The following PDE10A variants were observed in gnomAD, a reference collection of about 807,000 sequenced individuals.
PDE10A encodes the protein phosphodiesterase 10A, also known as cAMP and cAMP-inhibited cGMP 3',5'-cyclic phosphodiesterase 10A.
Under a neutral mutation model 97.7 loss-of-function variants are expected in PDE10A, and 39 were observed. The ratio of observed to expected loss-of-function variants is 0.40; its 90% CI spans 0.31 to 0.52. The LOEUF (loss-of-function observed/expected upper bound fraction) is 0.52, where lower values mean the gene tolerates loss of function less well. Among genes scored for constraint, PDE10A ranks in the 20% least tolerant of loss-of-function variants. The pLI is 0.56. For synonymous variants in PDE10A, 371 were observed against 376.8 expected (o/e 0.98, Z 0.18); for missense variants, 731 against 1,047.8 (o/e 0.70, Z 4.17).
At chr6:165,931,749 A>G (rs1361048890) in intron 1 of PDE10A, among the ~76,000 whole-genome samples, 1 of 152,226 alleles carries the variant, frequency 6.6e-6, no homozygotes, top group Non-Finnish European at 1.5e-5. Context: ...GAAACAAAAT[A>G]AAACAAAGAC....
At chr6:165,668,756 G>A in intron 1 of PDE10A, among the ~76,000 whole-genome samples, 1 of 115,220 alleles carries the variant, frequency 8.7e-6, no homozygotes, top group African/African-American at 3.2e-5. Flanking sequence ...AAAGAGAAAG[G>A]AAGGAAGGAA....
At chr6:165,670,085 A>G (rs1444284148) in intron 1 of PDE10A, among the ~76,000 whole-genome samples, 1 of 152,236 alleles carries the variant, frequency 6.6e-6, no homozygotes, top group East Asian at 1.9e-4. Context: ...AGGGAGCAGA[A>G]GCAATAATCC....
At chr6:165,806,040 A>AT (rs1405648434) in intron 1 of PDE10A, among the ~76,000 whole-genome samples, 3 of 79,468 alleles carry the variant, frequency 3.8e-5, no homozygotes, top group South Asian at 5.7e-4. Context: ...TTGCTTGATT[A>AT]TTAAAAAAAA....
intron 11 of PDE10A, among the ~76,000 whole-genome samples, chr6:165,416,893 C>T (rs1234365804): frequency 6.6e-6 from 1 of 152,156 alleles, no homozygotes; most frequent in Non-Finnish European, 1.5e-5. Flanking sequence ...AATCAAAATA[C>T]AAGGATTGTC....
At chr6:165,919,138 C>G (rs1307269077) in intron 1 of PDE10A, among the ~76,000 whole-genome samples, 1 of 152,198 alleles carries the variant, frequency 6.6e-6, no homozygotes, top group African/African-American at 2.4e-5. Flanking sequence ...TGTCAACAAG[C>G]CAAGCCGGTT....
At chr6:165,432,895 T>G in intron 7 of PDE10A, 79 bp downstream of exon 7, 1 of 962,894 alleles carries the variant, frequency 1.0e-6, no homozygotes, top group South Asian at 1.6e-5. Flanking sequence ...AGTTTAGTAT[T>G]ACTTAGCAAT....
chr6:165,869,944 C>T (rs1781155051), intron 1 of PDE10A, among the ~76,000 whole-genome samples: 1 of 151,916 alleles, frequency 6.6e-6, no homozygotes, highest in South Asian at 2.1e-4. Flanking sequence ...CAAAAATCAA[C>T]CCAAAATGAA....
At chr6:165,434,835 T>C (rs1416899822) in intron 6 of PDE10A, among the ~76,000 whole-genome samples, 1 of 152,194 alleles carries the variant, frequency 6.6e-6, no homozygotes, top group Non-Finnish European at 1.5e-5. Flanking sequence ...AACCCAGTCC[T>C]TAGATTCATA....
chr6:165,449,591 C>T (rs73788396), intron 4 of PDE10A, among the ~76,000 whole-genome samples: 4,359 of 152,036 alleles, frequency 0.029, 201 homozygotes, highest in African/African-American at 0.097. Context: ...AAAATGGTGG[C>T]AATAATAAAA....
chr6:165,728,337 A>C (rs1792347927), intron 1 of PDE10A, among the ~76,000 whole-genome samples: 1 of 152,230 alleles, frequency 6.6e-6, no homozygotes, highest in Non-Finnish European at 1.5e-5. Flanking sequence ...GTGAGGGCAC[A>C]CATTTCAATG....
chr6:165,781,732 T>A (rs1188969928), intron 1 of PDE10A: 2 of 152,358 alleles, frequency 1.3e-5, no homozygotes, highest in Non-Finnish European at 1.5e-5. Context: ...TGATGCTAAG[T>A]GAGAGGAACT....
In PDE10A at chr6:165,678,195, A is replaced by ATATGTTTATGTTTGTGTGTCTGTGTGTT. The variant is rs1255971129; in HGVS notation, c.-614-134628_-614-134627insAACACACAGACACACAAACATAAACATA. Among the ~76,000 whole-genome samples, 43 of 135,198 alleles carry ATATGTTTATGTTTGTGTGTCTGTGTGTT rather than the reference A, an allele frequency of 3.2e-4. 4 individuals carry two copies. The highest frequency in any genetic ancestry group is 9.5e-4 in the East Asian group (4 of 4,228). 88.7% of individuals were successfully genotyped at this position (135,198 alleles called of 152,430 possible). On this transcript the variant is annotated intron_variant, in intron 1 of 19. Transcript: ENST00000366882. ...TGTGTGTGTCCATGTGTGTCTGTGTATGTATATGTGTGTCTGTGTGTGTAT... is the reference window on the plus strand; with the variant it reads ...TGTGTGTGTCCATGTGTGTCTGTGTATATGTTTATGTTTGTGTGTCTGTGTGTTTGTATATGTGTGTCTGTGTGTGTAT...
chr6:165,808,669 C>T (rs2128466892), intron 1 of PDE10A, among the ~76,000 whole-genome samples: 1 of 152,308 alleles, frequency 6.6e-6, no homozygotes, highest in East Asian at 1.9e-4. Context: ...CTATTCTGCA[C>T]AACTCAAACT....
intron 1 of PDE10A, among the ~76,000 whole-genome samples, chr6:165,627,334 T>C (rs1319083096): frequency 6.6e-6 from 1 of 152,196 alleles, no homozygotes; most frequent in East Asian, 1.9e-4. Context: ...ATGATATATT[T>C]TGTTTCTATT....
chr6:165,355,909 T>C (rs572142144), intron 18 of PDE10A, among the ~76,000 whole-genome samples: 1 of 152,224 alleles, frequency 6.6e-6, no homozygotes, highest in Admixed American at 6.5e-5. Flanking sequence ...CTATAAAGAA[T>C]TACCTGATAC....
intron 13 of PDE10A, among the ~76,000 whole-genome samples, chr6:165,405,617 T>C (rs926332658): frequency 6.6e-6 from 1 of 152,226 alleles, no homozygotes; most frequent in African/African-American, 2.4e-5. Flanking sequence ...TGTTTCCGTT[T>C]ATCTGTTGAG....
intron 1 of PDE10A, among the ~76,000 whole-genome samples, chr6:165,773,649 T>C (rs1448877585): frequency 6.6e-6 from 1 of 152,202 alleles, no homozygotes; most frequent in Admixed American, 6.5e-5. Flanking sequence ...GAATTCACTA[T>C]TGATAAAAGA....
intron 1 of PDE10A, among the ~76,000 whole-genome samples, chr6:165,977,520 A>T (rs1398373626): frequency 6.6e-6 from 1 of 152,224 alleles, no homozygotes; most frequent in African/African-American, 2.4e-5. Flanking sequence ...TTTGTGAGTC[A>T]AAATTAAGCA....
intron 2 of PDE10A, among the ~76,000 whole-genome samples, chr6:165,542,674 A>G (rs973420217): frequency 7.8e-6 from 1 of 127,468 alleles, no homozygotes; most frequent in Non-Finnish European, 1.5e-5. Flanking sequence ...GCTGGAGTGC[A>G]GTGGCGCGAT....
Sources: gnomAD v4.1 joint callset for allele counts (sites outside exome capture counted in the v4.1 genomes callset) on GRCh38, gnomAD v4.1.1 for gene constraint, MANE v1.5 for transcripts, NCBI Gene and HGNC (gene_info 2026-07-23, HGNC 2026-07-21) for gene names.